The following USP4 variants were observed in gnomAD, a reference collection of about 807,000 sequenced individuals.
The protein encoded by USP4 is ubiquitin carboxyl-terminal hydrolase 4.
Under a neutral mutation model 118.2 loss-of-function variants are expected in USP4, and 72 were observed. That is an observed-to-expected ratio of 0.61 (90% CI 0.50 to 0.74). The LOEUF is 0.74. Among genes scored for constraint, USP4 ranks in the 30% least tolerant of loss-of-function variants. The pLI, the probability that USP4 is intolerant of heterozygous loss-of-function variation, is 0.00. For missense variants in USP4, 1,037 were observed against 1,185.7 expected (o/e 0.87, Z 1.84); for synonymous variants, 415 against 440.4 (o/e 0.94, Z 0.72).
Position 49,305,826 on chromosome 3 carries a change from G to A in USP4, c.1017C>T (p.Ile339=). The change falls in exon 9 of 22, where the codon ATC becomes ATT. Residue 339 remains isoleucine (I), a synonymous_variant. Transcript: ENST00000265560. ...YFLKDEYEAE[I]NRDNPLGMKG... The stretch of plus-strand genomic sequence containing the variant: ...TCATCCCCAGAGGGTTGTCTCTGTT[G>A]ATTTCGGCTTCATACTCATCTTTGA... The A allele has an allele frequency of 6.2e-7, 1 of 1,614,086 alleles. No individual in the cohort carries two copies. The highest frequency in any genetic ancestry group is 8.5e-7 in the Non-Finnish European group (1 of 1,180,008).
Position 49,277,204 on chromosome 3 carries a change from G to GACCC in USP4, c.*1085_*1088dup. 1 of 1,345,242 alleles carries GACCC rather than the reference G, an allele frequency of 7.4e-7. No homozygotes were observed. Among genetic ancestry groups the GACCC allele is most frequent in the Non-Finnish European group, 9.8e-7 (1 of 1,025,290 alleles). 83.3% of individuals were successfully genotyped at this position (1,345,242 alleles called of 1,614,324 possible). A position where few individuals can be genotyped will look rare whatever the true frequency, so the allele number is the denominator to read the frequency against. Reference sequence around the variant, plus strand: ...TCCTCACCCGCAGCGCAGTGACGCCGACCCATCCAACGGTCATCGCATGCG... The same window carrying GACCC: ...TCCTCACCCGCAGCGCAGTGACGCCGACCCACCCATCCAACGGTCATCGCATGCG... On this transcript the variant is annotated 3_prime_UTR_variant, in exon 22 of 22. Transcript: ENST00000265560.
chr3:49,300,404 G>C, intron 11 of USP4, 63 bp downstream of exon 11: 1 of 1,483,962 alleles, frequency 6.7e-7, no homozygotes, highest in Non-Finnish European at 9.4e-7. Flanking sequence ...GATAGGAGCA[G>C]TCCCACTGGG....
intron 10 of USP4, 135 bp downstream of exon 10, chr3:49,302,249 T>A: frequency 1.2e-5 from 8 of 684,720 alleles, no homozygotes; most frequent in Non-Finnish European, 1.6e-5. Flanking sequence ...AGAGACCATA[T>A]CCCTATAACT....
At chr3:49,331,700 A>AT (rs1345757903) in intron 2 of USP4, among the ~76,000 whole-genome samples, 1 of 152,176 alleles carries the variant, frequency 6.6e-6, no homozygotes, top group Admixed American at 6.6e-5. Context: ...TTGTTGTTGC[A>AT]TGTGTAGGGC....
At position 49,280,847 on chromosome 3, in the gene USP4, T is replaced by G; in HGVS notation, c.2541A>C (p.Arg847Ser). The change falls in exon 20 of 22, where the codon AGA becomes AGC. Residue 847 changes from arginine to serine, a missense_variant and splice_region_variant. Around this residue, in one of 3 missense-constraint regions of USP4, gnomAD observed 522 missense variants for 592.6 expected, o/e 0.88. Transcript: ENST00000265560. The part of the protein sequence containing the change: ...KLDTVVEFPI[R>S]GLNMSEFVCN... The stretch of plus-strand genomic sequence containing the variant: ...AGACAAACTCGGACATGTTCAGCCC[T>G]CTGAGCACAAAACACAAAAATAGTT... 6.2e-7 allele frequency: 1 copy of G among 1,613,830 alleles called. No homozygotes were observed. The highest frequency in any genetic ancestry group is 8.5e-7 in the Non-Finnish European group (1 of 1,179,810).
chr3:49,291,627 T>C (rs577937272), intron 15 of USP4, among the ~76,000 whole-genome samples: 1 of 150,024 alleles, frequency 6.7e-6, no homozygotes, highest in South Asian at 2.1e-4. Flanking sequence ...TTTACAGCAC[T>C]AGCTTGAAAG....
chr3:49,302,634 T>G, intron 9 of USP4, 92 bp from the exon 10 acceptor site: 5 of 1,296,498 alleles, frequency 3.9e-6, no homozygotes, highest in Non-Finnish European at 4.2e-6. Flanking sequence ...TCTGAGGAGT[T>G]AGCTGGGGCA....
intron 13 of USP4, among the ~76,000 whole-genome samples, chr3:49,296,573 C>T (rs973287107): frequency 4.6e-5 from 7 of 150,910 alleles, no homozygotes; most frequent in African/African-American, 7.3e-5. Flanking sequence ...GGCATGAACC[C>T]GGGAGGCAGA....
chr3:49,280,855 C>CA lies in USP4; in HGVS notation c.2541-9dup. 6.2e-7 allele frequency: 1 copy of CA among 1,612,124 alleles called. No homozygotes were observed. The highest frequency in any genetic ancestry group is 8.5e-7 in the Non-Finnish European group (1 of 1,178,654). Reference sequence around the variant, plus strand: ...TCGGACATGTTCAGCCCTCTGAGCACAAAACACAAAAATAGTTATTGAATA... The same window carrying CA: ...TCGGACATGTTCAGCCCTCTGAGCACAAAAACACAAAAATAGTTATTGAATA... On this transcript the variant is annotated splice_polypyrimidine_tract_variant and intron_variant, in intron 19 of 21. Transcript: ENST00000265560.
chr3:49,296,625 G>T (rs1431541581), intron 13 of USP4, among the ~76,000 whole-genome samples: 1 of 152,072 alleles, frequency 6.6e-6, no homozygotes, highest in African/African-American at 2.4e-5. Context: ...CTCCTGCCTG[G>T]GAGACAGAGC....
intron 2 of USP4, among the ~76,000 whole-genome samples, chr3:49,328,802 G>A (rs2047583769): frequency 6.6e-6 from 1 of 152,072 alleles, no homozygotes; most frequent in Non-Finnish European, 1.5e-5. Context: ...GGAGACTGCA[G>A]TGAGCCGAGA....
At chr3:49,291,908 G>A (rs1262957607) in intron 15 of USP4, among the ~76,000 whole-genome samples, 1 of 151,880 alleles carries the variant, frequency 6.6e-6, no homozygotes, top group East Asian at 2.0e-4. Flanking sequence ...CTACCTCCCG[G>A]GTTCACGCCA....
At chr3:49,304,535 G>A (rs1264140348) in intron 9 of USP4, among the ~76,000 whole-genome samples, 2 of 152,104 alleles carry the variant, frequency 1.3e-5, no homozygotes, top group South Asian at 2.1e-4. Context: ...CACGAAGCCT[G>A]TAGAATCCAG....
chr3:49,330,171 AAAACAAACAAAC>A lies in USP4; in HGVS notation c.230-2367_230-2356del, dbSNP rs112008342. ...GGGCAACAGAGTGAGACTCTGTCTC[AAAACAAACAAAC>A]AAACAAACAAACAAACAAAAAAAGT... On this transcript the variant is annotated intron_variant, in intron 2 of 21. Coordinates refer to ENST00000265560, the MANE Select transcript of USP4 (RefSeq NM_003363.4). Among the ~76,000 whole-genome samples, 127 of 148,546 alleles carry A rather than the reference AAAACAAACAAAC, an allele frequency of 8.5e-4. 4 individuals carry two copies. The East Asian group carries it at 0.023, about 27-fold the overall frequency.
intron 19 of USP4, among the ~76,000 whole-genome samples, chr3:49,281,477 TA>T (rs1234837585): frequency 9.6e-5 from 6 of 62,204 alleles, no homozygotes; most frequent in Non-Finnish European, 1.7e-4. Context: ...AAAGTATGTG[TA>T]TATATATATA....
intron 15 of USP4, among the ~76,000 whole-genome samples, chr3:49,292,288 GAAA>G (rs146147164): frequency 1.9e-5 from 2 of 107,936 alleles, no homozygotes; most frequent in Admixed American, 9.9e-5. Context: ...CCCCTATCTG[GAAA>G]AAAAAAAAAA....
chr3:49,294,732 AC>A (rs1362117894), intron 13 of USP4, 134 bp from the exon 14 acceptor site: 1 of 822,646 alleles, frequency 1.2e-6, no homozygotes, highest in African/African-American at 1.7e-5. Flanking sequence ...GGTGGCTATA[AC>A]TATTGCCAAG....
At chr3:49,304,952 C>G (rs1172506025) in intron 9 of USP4, among the ~76,000 whole-genome samples, 2 of 151,474 alleles carry the variant, frequency 1.3e-5, no homozygotes, top group African/African-American at 4.9e-5. Context: ...TTGGTAGAGA[C>G]GGGGTTTCAC....
chr3:49,336,506 T>C (rs2047670379), intron 1 of USP4, among the ~76,000 whole-genome samples: 1 of 150,994 alleles, frequency 6.6e-6, no homozygotes, highest in Non-Finnish European at 1.5e-5. Flanking sequence ...AAAATCATGT[T>C]TGCTAATAAA....
Sources: gnomAD v4.1 joint callset for allele counts (sites outside exome capture counted in the v4.1 genomes callset) on GRCh38, gnomAD v4.1.1 for gene constraint, gnomAD v4.1.1 regional missense constraint, MANE v1.5 for transcripts, NCBI Gene and HGNC (gene_info 2026-07-23, HGNC 2026-07-21) for gene names.